The following CNTNAP2 variants were observed in gnomAD, a reference collection of about 807,000 sequenced individuals.
CNTNAP2 encodes contactin-associated protein-like 2.
Under a neutral mutation model 155.2 loss-of-function variants are expected in CNTNAP2, and 98 were observed. The ratio of observed to expected loss-of-function variants is 0.63; its 90% confidence interval spans 0.54 to 0.75. The LOEUF (loss-of-function observed/expected upper bound fraction) is 0.75, where lower values mean the gene tolerates loss of function less well. Ranked by LOEUF, CNTNAP2 falls within the 30% of genes least tolerant of loss-of-function variation. The probability of loss-of-function intolerance (pLI) is 0.00; values close to 1 mark genes in which losing one functional copy is unlikely to be tolerated. For synonymous variants in CNTNAP2, 651 were observed against 631.2 expected (o/e 1.03, Z -0.47); for missense variants, 1,727 against 1,688.1 (o/e 1.02, Z -0.40).
chr7:147,722,689 A>T (rs1192609135), intron 13 of CNTNAP2, among the ~76,000 whole-genome samples: 1 of 152,102 alleles, frequency 6.6e-6, no homozygotes. Context: ...CACAATTATG[A>T]GCTTTCTCAA....
intron 11 of CNTNAP2, among the ~76,000 whole-genome samples, chr7:147,542,333 T>C (rs954464610): frequency 6.7e-6 from 1 of 148,634 alleles, no homozygotes; most frequent in African/African-American, 2.5e-5. Flanking sequence ...AAAAAGCAAA[T>C]AAGAAAGTAA....
At chr7:146,514,393 A>T (rs73741728) in intron 1 of CNTNAP2, among the ~76,000 whole-genome samples, 1 of 151,832 alleles carries the variant, frequency 6.6e-6, no homozygotes, top group Non-Finnish European at 1.5e-5. Context: ...TATTCTCTAG[A>T]TCTCATAGGC....
chr7:147,853,028 G>A (rs753799364), intron 13 of CNTNAP2, among the ~76,000 whole-genome samples: 59 of 152,148 alleles, frequency 3.9e-4, no homozygotes, highest in Non-Finnish European at 7.8e-4. Flanking sequence ...AAATTCTCCA[G>A]GAAGAAAGGG....
At chr7:146,821,381 A>G (rs547839475) in intron 2 of CNTNAP2, among the ~76,000 whole-genome samples, 2 of 152,010 alleles carry the variant, frequency 1.3e-5, no homozygotes. Context: ...ATCTCTCAGC[A>G]TTTGCTTGTC....
intron 12 of CNTNAP2, among the ~76,000 whole-genome samples, chr7:147,638,363 C>A (rs1795216796): frequency 6.6e-6 from 1 of 152,174 alleles, no homozygotes; most frequent in African/African-American, 2.4e-5. Context: ...GGAGCTTTTT[C>A]AGTGCACAGA....
At chr7:146,839,492 G>T (rs185231640) in intron 2 of CNTNAP2, among the ~76,000 whole-genome samples, 1 of 152,054 alleles carries the variant, frequency 6.6e-6, no homozygotes, top group African/African-American at 2.4e-5. Flanking sequence ...AGGAGAAAAT[G>T]AGCACATAAT....
At chr7:146,980,280 A>C (rs1245216805) in intron 3 of CNTNAP2, among the ~76,000 whole-genome samples, 1 of 152,206 alleles carries the variant, frequency 6.6e-6, no homozygotes, top group African/African-American at 2.4e-5. Flanking sequence ...AGTGATCAAC[A>C]CTATTAATGC....
At chr7:146,627,885 A>T (rs1799446136) in intron 1 of CNTNAP2, among the ~76,000 whole-genome samples, 1 of 152,084 alleles carries the variant, frequency 6.6e-6, no homozygotes, top group Non-Finnish European at 1.5e-5. Flanking sequence ...TATATAACTC[A>T]GTTGGTTTTA....
chr7:147,991,604 A>T (rs1801712022), intron 15 of CNTNAP2, among the ~76,000 whole-genome samples: 1 of 152,170 alleles, frequency 6.6e-6, no homozygotes, highest in African/African-American at 2.4e-5. Flanking sequence ...TCTTTTGCTA[A>T]GTTTTTATAC....
chr7:146,685,678 TCTGTC>T (rs1041683034), intron 1 of CNTNAP2, among the ~76,000 whole-genome samples: 1 of 151,838 alleles, frequency 6.6e-6, no homozygotes, highest in African/African-American at 2.4e-5. Context: ...GAGTAATTAT[TCTGTC>T]CTGAGGTGCA....
chr7:146,357,014 C>T lies in CNTNAP2; in HGVS notation c.97+240041C>T, dbSNP rs575505801. The stretch of plus-strand genomic sequence containing the variant: ...TTTCTGCAAAAACGACAGCATCCAA[C>T]GTGCAATGACTGAAGTTATTATAAC... On this transcript the variant is annotated intron_variant, in intron 1 of 23. Transcript: ENST00000361727. Among the ~76,000 whole-genome samples, 63 of 152,296 alleles carry T rather than the reference C, an allele frequency of 4.1e-4. 1 individual carries two copies. In the East Asian group the frequency reaches 6.4e-3, roughly 15 times the overall value.
chr7:146,222,114 T>A (rs933814997), intron 1 of CNTNAP2, among the ~76,000 whole-genome samples: 2 of 152,176 alleles, frequency 1.3e-5, no homozygotes, highest in African/African-American at 4.8e-5. Context: ...ACCCATTTTT[T>A]AAAAATGCTT....
chr7:146,641,844 A>G (rs575364423), intron 1 of CNTNAP2, among the ~76,000 whole-genome samples: 2 of 152,292 alleles, frequency 1.3e-5, no homozygotes, highest in East Asian at 1.9e-4. Context: ...TTAAAACCTA[A>G]TATTTTGTGG....
intron 9 of CNTNAP2, among the ~76,000 whole-genome samples, chr7:147,328,501 T>G (rs1201961124): frequency 6.6e-6 from 1 of 152,206 alleles, no homozygotes; most frequent in Admixed American, 6.5e-5. Context: ...CTGGGACGAC[T>G]GAATCGACTA....
chr7:147,619,538 T>C (rs1483571295), intron 12 of CNTNAP2, among the ~76,000 whole-genome samples: 1 of 152,228 alleles, frequency 6.6e-6, no homozygotes, highest in East Asian at 1.9e-4. Context: ...GGAGATAGGC[T>C]AGCAATATTC....
chr7:147,141,480 C>T (rs936037512), intron 8 of CNTNAP2, among the ~76,000 whole-genome samples: 17 of 151,890 alleles, frequency 1.1e-4, no homozygotes, highest in South Asian at 2.1e-4. Context: ...ATGTACACAA[C>T]GGTTTTAAGC....
intron 1 of CNTNAP2, among the ~76,000 whole-genome samples, chr7:146,606,746 T>C (rs541536242): frequency 1.3e-5 from 2 of 152,330 alleles, no homozygotes; most frequent in Non-Finnish European, 2.9e-5. Flanking sequence ...CTTGAAATTA[T>C]CATTTAAAGC....
At chr7:146,340,666 A>T (rs1243202274) in intron 1 of CNTNAP2, among the ~76,000 whole-genome samples, 1 of 152,164 alleles carries the variant, frequency 6.6e-6, no homozygotes, top group Admixed American at 6.5e-5. Context: ...TAGCGATAAA[A>T]TTGCCATGAT....
chr7:147,835,188 C>T, intron 13 of CNTNAP2, among the ~76,000 whole-genome samples: 1 of 152,158 alleles, frequency 6.6e-6, no homozygotes, highest in Non-Finnish European at 1.5e-5. Context: ...CCCACCACCA[C>T]CATCCCCACT....
Sources: gnomAD v4.1 joint callset for allele counts (sites outside exome capture counted in the v4.1 genomes callset) on GRCh38, gnomAD v4.1.1 for gene constraint, MANE v1.5 for transcripts, NCBI Gene and HGNC (gene_info 2026-07-23, HGNC 2026-07-21) for gene names.